FOXP2: variants seen among roughly 807,000 people sequenced by gnomAD.
FOXP2 encodes the protein forkhead box protein P2.
A neutral mutation model predicts 115.8 loss-of-function variants in FOXP2; 12 were observed. That is an observed-to-expected ratio of 0.10 (90% CI 0.07 to 0.17). The LOEUF is 0.17. FOXP2 is among the 10% of genes least tolerant of loss of function. FOXP2 has a pLI of 1.00. For synonymous variants in FOXP2, 328 were observed against 297.7 expected (o/e 1.10, Z -1.05); for missense variants, 629 against 843.5 (o/e 0.75, Z 3.15).
At chr7:114,506,282 G>C (rs917237079) in intron 2 of FOXP2, among the ~76,000 whole-genome samples, 1 of 151,590 alleles carries the variant, frequency 6.6e-6, no homozygotes, top group Non-Finnish European at 1.5e-5. Flanking sequence ...TCTGACCTAA[G>C]TTTTCTGCCT....
intron 1 of FOXP2, among the ~76,000 whole-genome samples, chr7:114,192,730 C>T (rs1584536097): frequency 6.6e-6 from 1 of 152,204 alleles, no homozygotes; most frequent in East Asian, 1.9e-4. Context: ...TTTACTGCTA[C>T]ATTACTACTT....
At chr7:114,317,815 C>T (rs1240660214) in intron 2 of FOXP2, among the ~76,000 whole-genome samples, 2 of 151,840 alleles carry the variant, frequency 1.3e-5, no homozygotes, top group Admixed American at 6.6e-5. Flanking sequence ...TATTACCCTC[C>T]CTCTCCTTCA....
intron 2 of FOXP2, among the ~76,000 whole-genome samples, chr7:114,486,739 C>A (rs1444035883): frequency 2.6e-5 from 4 of 152,162 alleles, no homozygotes; most frequent in South Asian, 2.1e-4. Context: ...CATGCAGGCC[C>A]CATGCAAGTT....
At chr7:114,279,448 A>G (rs369927557) in intron 1 of FOXP2, among the ~76,000 whole-genome samples, 2 of 152,098 alleles carry the variant, frequency 1.3e-5, no homozygotes, top group East Asian at 1.9e-4. Context: ...CCAATATCCT[A>G]TTTTTCACAT....
chr7:114,108,995 A>G (rs1009156728), intron 1 of FOXP2, among the ~76,000 whole-genome samples: 4 of 151,956 alleles, frequency 2.6e-5, no homozygotes, highest in East Asian at 1.9e-4. Context: ...AACAATAAGT[A>G]AGAGAATACT....
At chr7:114,584,356 C>T (rs1023503912) in intron 3 of FOXP2, among the ~76,000 whole-genome samples, 1 of 152,144 alleles carries the variant, frequency 6.6e-6, no homozygotes, top group Non-Finnish European at 1.5e-5. Context: ...TGATTTTCAG[C>T]TCCATCCACT....
intron 2 of FOXP2, among the ~76,000 whole-genome samples, chr7:114,351,334 A>G (rs2129185845): frequency 6.6e-6 from 1 of 152,286 alleles, no homozygotes; most frequent in Admixed American, 6.5e-5. Context: ...ATACCAACTG[A>G]AGACTTAGTA....
At chr7:114,355,475 T>G (rs946859199) in intron 2 of FOXP2, among the ~76,000 whole-genome samples, 1 of 152,184 alleles carries the variant, frequency 6.6e-6, no homozygotes, top group African/African-American at 2.4e-5. Context: ...AATAATGCAC[T>G]TAGGTCAGAA....
chr7:114,592,749 A>G (rs775148597), intron 3 of FOXP2, among the ~76,000 whole-genome samples: 2 of 152,044 alleles, frequency 1.3e-5, no homozygotes, highest in Non-Finnish European at 2.9e-5. Context: ...ATCTAAGAAG[A>G]TGAAATAATT....
intron 1 of FOXP2, among the ~76,000 whole-genome samples, chr7:114,224,454 T>G (rs778976629): frequency 6.6e-6 from 1 of 152,212 alleles, no homozygotes; most frequent in Non-Finnish European, 1.5e-5. Context: ...ATATAATGAC[T>G]GTGTACAAAT....
At chr7:114,175,924 G>A (rs1332700410) in intron 1 of FOXP2, among the ~76,000 whole-genome samples, 1 of 152,054 alleles carries the variant, frequency 6.6e-6, no homozygotes, top group Non-Finnish European at 1.5e-5. Flanking sequence ...TATTTCTTCA[G>A]ATCTCACTCT....
intron 1 of FOXP2, among the ~76,000 whole-genome samples, chr7:114,222,677 T>C (rs1425688438): frequency 6.6e-6 from 1 of 152,212 alleles, no homozygotes; most frequent in Non-Finnish European, 1.5e-5. Flanking sequence ...ATCTATTTCA[T>C]GATAAAGGAG....
chr7:114,555,745 C>T (rs910587117), intron 3 of FOXP2, among the ~76,000 whole-genome samples: 1 of 151,990 alleles, frequency 6.6e-6, no homozygotes, highest in African/African-American at 2.4e-5. Context: ...TACAGTGAGC[C>T]AAGAATACAC....
chr7:114,568,357 T>C (rs1224493510), intron 3 of FOXP2, among the ~76,000 whole-genome samples: 3 of 151,496 alleles, frequency 2.0e-5, no homozygotes, highest in African/African-American at 7.3e-5. Flanking sequence ...AAATAATGAG[T>C]ATATACTGTG....
chr7:114,642,699 C>T (rs1465719245), intron 7 of FOXP2, 76 bp downstream of exon 7: 2 of 1,334,604 alleles, frequency 1.5e-6, no homozygotes, highest in African/African-American at 1.5e-5. Context: ...TGAAAAAGAA[C>T]AATTTGTACT....
intron 1 of FOXP2, among the ~76,000 whole-genome samples, chr7:114,112,289 T>G (rs1029308689): frequency 7.2e-5 from 11 of 152,028 alleles, no homozygotes; most frequent in Non-Finnish European, 1.5e-4. Flanking sequence ...GGAATGTGGT[T>G]TCTGCACTTT....
chr7:114,647,102 A>G (rs997501881), intron 8 of FOXP2, among the ~76,000 whole-genome samples: 6 of 151,954 alleles, frequency 3.9e-5, no homozygotes, highest in Non-Finnish European at 8.8e-5. Context: ...AGTATACGCT[A>G]GAAATAAATT....
intron 7 of FOXP2, among the ~76,000 whole-genome samples, chr7:114,644,280 T>C (rs1195719774): frequency 6.6e-6 from 1 of 152,194 alleles, no homozygotes; most frequent in African/African-American, 2.4e-5. Context: ...GAGGTCCATA[T>C]CTTCTTTAAA....
intron 1 of FOXP2, among the ~76,000 whole-genome samples, chr7:114,228,804 A>G (rs1037697294): frequency 2.0e-5 from 3 of 151,672 alleles, no homozygotes; most frequent in African/African-American, 4.8e-5. Context: ...AAAAAAATCA[A>G]TGAAACACAA....
Sources: allele counts gnomAD v4.1 joint callset (sites outside exome capture counted in the v4.1 genomes callset), GRCh38; gene constraint gnomAD v4.1.1; transcripts MANE v1.5; gene names NCBI Gene and HGNC (gene_info 2026-07-23, HGNC 2026-07-21).